Variants in PTPRD observed in about 807,000 individuals in gnomAD.
The protein encoded by PTPRD is receptor-type tyrosine-protein phosphatase delta.
A neutral mutation model predicts 214.5 loss-of-function variants in PTPRD; 34 were observed. The observed-to-expected ratio is 0.16, with a 90% CI of 0.12 to 0.21. PTPRD has a LOEUF of 0.21. PTPRD is among the 10% of genes least tolerant of loss of function. PTPRD has a pLI of 1.00. For missense variants in PTPRD, 2,545 were observed against 2,398.7 expected (o/e 1.06, Z -1.27); for synonymous variants, 1,128 against 845.7 (o/e 1.33, Z -5.79).
At chr9:9,265,502 C>T (rs994467317) in intron 9 of PTPRD, among the ~76,000 whole-genome samples, 1 of 151,312 alleles carries the variant, frequency 6.6e-6, no homozygotes, top group Non-Finnish European at 1.5e-5. Flanking sequence ...CAAGTGATCC[C>T]TCTATGTTGG....
chr9:10,088,008 G>C (rs1281407867), intron 3 of PTPRD, among the ~76,000 whole-genome samples: 1 of 151,694 alleles, frequency 6.6e-6, no homozygotes, highest in Non-Finnish European at 1.5e-5. Context: ...TAATATGCTT[G>C]CAATACTTAG....
At chr9:10,349,493 A>C (rs2097146517) in intron 2 of PTPRD, among the ~76,000 whole-genome samples, 1 of 152,196 alleles carries the variant, frequency 6.6e-6, no homozygotes. Context: ...ATGCACAGAC[A>C]CATACACAAA....
intron 31 of PTPRD, among the ~76,000 whole-genome samples, chr9:8,470,567 A>G (rs1371130992): frequency 6.6e-6 from 1 of 152,178 alleles, no homozygotes; most frequent in Non-Finnish European, 1.5e-5. Flanking sequence ...GGTTAAGACC[A>G]TATCGTAGGT....
chr9:10,608,077 A>G (rs1191396625), intron 2 of PTPRD, among the ~76,000 whole-genome samples: 2 of 151,996 alleles, frequency 1.3e-5, no homozygotes, highest in Non-Finnish European at 2.9e-5. Flanking sequence ...GGGTTCAAAT[A>G]ATTTTTTCTA....
chr9:10,106,192 C>T (rs2098630617), intron 3 of PTPRD, among the ~76,000 whole-genome samples: 2 of 151,730 alleles, frequency 1.3e-5, no homozygotes, highest in Admixed American at 1.3e-4. Context: ...TCCTCTACCA[C>T]TACTCCATGC....
At chr9:10,526,565 C>T (rs2054354079) in intron 2 of PTPRD, among the ~76,000 whole-genome samples, 1 of 152,072 alleles carries the variant, frequency 6.6e-6, no homozygotes, top group Non-Finnish European at 1.5e-5. Context: ...TTGGTTCTCA[C>T]ACCAGAAATC....
chr9:9,632,688 A>C (rs148332156), intron 7 of PTPRD, among the ~76,000 whole-genome samples: 82 of 152,290 alleles, frequency 5.4e-4, no homozygotes, highest in African/African-American at 1.9e-3. Flanking sequence ...TTTATGTAGA[A>C]CATAAACCCT....
At chr9:8,859,348 T>C (rs1222499758) in intron 11 of PTPRD, among the ~76,000 whole-genome samples, 1 of 152,210 alleles carries the variant, frequency 6.6e-6, no homozygotes, top group Non-Finnish European at 1.5e-5. Context: ...CTGTGTGTAT[T>C]GTTAGCTAAG....
At chr9:8,857,960 C>T (rs967538010) in intron 11 of PTPRD, among the ~76,000 whole-genome samples, 1 of 150,016 alleles carries the variant, frequency 6.7e-6, no homozygotes, top group African/African-American at 2.5e-5. Context: ...CCGCCTCCTC[C>T]TCCTCTTCCC....
At chr9:9,052,848 G>A (rs1026108466) in intron 10 of PTPRD, among the ~76,000 whole-genome samples, 18 of 152,096 alleles carry the variant, frequency 1.2e-4, no homozygotes, top group African/African-American at 3.6e-4. Context: ...AATCTTCTAG[G>A]CAGAATAAAG....
chr9:9,760,856 G>T (rs1333680796), intron 6 of PTPRD, among the ~76,000 whole-genome samples: 1 of 152,118 alleles, frequency 6.6e-6, no homozygotes, highest in African/African-American at 2.4e-5. Flanking sequence ...TGAGATATCA[G>T]TATATACCTA....
chr9:9,785,891 A>T (rs1338835456), intron 5 of PTPRD, among the ~76,000 whole-genome samples: 1 of 152,182 alleles, frequency 6.6e-6, no homozygotes. Context: ...TTCAAAAAAA[A>T]TTCAAAGCCA....
chr9:10,144,266 C>T (rs1186363236), intron 3 of PTPRD, among the ~76,000 whole-genome samples: 2 of 152,006 alleles, frequency 1.3e-5, no homozygotes, highest in South Asian at 2.1e-4. Flanking sequence ...CTTTAATACT[C>T]TTCTCTCCAA....
At chr9:10,113,854 T>G (rs2031390784) in intron 3 of PTPRD, among the ~76,000 whole-genome samples, 1 of 152,196 alleles carries the variant, frequency 6.6e-6, no homozygotes, top group South Asian at 2.1e-4. Flanking sequence ...ATGGGCCACA[T>G]TTTGATTAGC....
chr9:9,587,555 C>T (rs1282764204), intron 7 of PTPRD, among the ~76,000 whole-genome samples: 2 of 134,786 alleles, frequency 1.5e-5, no homozygotes, highest in East Asian at 4.1e-4. Context: ...GACCAGTTTG[C>T]TTCCTTCTAA....
At chr9:8,777,681 G>C (rs1456561700) in intron 11 of PTPRD, among the ~76,000 whole-genome samples, 1 of 152,068 alleles carries the variant, frequency 6.6e-6, no homozygotes, top group Non-Finnish European at 1.5e-5. Context: ...ACATTCAGTG[G>C]TATGAAGGTC....
At chr9:9,885,982 AT>A (rs530951760) in intron 5 of PTPRD, among the ~76,000 whole-genome samples, 2,257 of 149,850 alleles carry the variant, frequency 0.015, 52 homozygotes, top group African/African-American at 0.054. Flanking sequence ...AACCCCACAT[AT>A]TAAAAAAAAA....
intron 44 of PTPRD, among the ~76,000 whole-genome samples, chr9:8,330,070 G>C (rs561545682): frequency 6.6e-6 from 1 of 152,244 alleles, no homozygotes; most frequent in South Asian, 2.1e-4. Flanking sequence ...CAGTATCTGG[G>C]CCAGAGTGTA....
rs868517552 is a variant in PTPRD, at chr9:9,948,013, T to C, written c.-471-9403A>G. On this transcript the variant is annotated intron_variant, in intron 4 of 45. Transcript: ENST00000381196. ...TAGCAAGATTTTTTTCTTCTTGACT[T>C]TATGAAGAAGGGAGATAGATGAAGA... Among the ~76,000 whole-genome samples the C allele has an allele frequency of 4.6e-5, 7 of 151,988 alleles. No individual in the cohort carries two copies. In the South Asian group the frequency reaches 1.5e-3, roughly 32 times the overall value.
Sources: gnomAD v4.1 joint callset for allele counts (sites outside exome capture counted in the v4.1 genomes callset) on GRCh38, gnomAD v4.1.1 for gene constraint, MANE v1.5 for transcripts, NCBI Gene and HGNC (gene_info 2026-07-23, HGNC 2026-07-21) for gene names.